CCSER1: variants seen among roughly 807,000 people sequenced by gnomAD.
CCSER1 encodes the protein coiled-coil serine rich protein 1.
In CCSER1, 41 loss-of-function variants were observed where a neutral mutation model predicts 82.0. The ratio of observed to expected loss-of-function variants is 0.50; its 90% CI spans 0.39 to 0.65. The LOEUF (loss-of-function observed/expected upper bound fraction) is 0.65, where lower values mean the gene tolerates loss of function less well. CCSER1 is among the 30% of genes least tolerant of loss of function. CCSER1 has a pLI of 0.00. For missense variants in CCSER1, 1,119 were observed against 1,064.2 expected, an observed-to-expected ratio of 1.05 and a Z score of -0.72; for synonymous variants, 414 against 383.9, an observed-to-expected ratio of 1.08 and a Z score of -0.92.
Position 90,284,237 on chromosome 4 carries a change from G to T in CCSER1, c.-41-24007G>T, listed in dbSNP as rs544899245. The stretch of plus-strand genomic sequence containing the variant: ...TCTGATTATTAGTCCCTTGTCATAT[G>T]GGTAGTTTGCAAATATATTCTCCCA... On this transcript the variant is annotated intron_variant, in intron 1 of 10. Transcript: ENST00000509176. Among the ~76,000 whole-genome samples, 48 of 152,116 alleles carry T rather than the reference G, an allele frequency of 3.2e-4. 1 individual carries two copies. The highest frequency in any genetic ancestry group is 1.1e-3 in the African/African-American group (46 of 41,532).
intron 9 of CCSER1, among the ~76,000 whole-genome samples, chr4:91,030,304 C>A (rs1036311802): frequency 2.0e-5 from 3 of 151,870 alleles, no homozygotes; most frequent in African/African-American, 7.3e-5. Flanking sequence ...TGAACACTGG[C>A]GATGATGGAA....
chr4:90,436,810 CTT>C (rs989339206), intron 4 of CCSER1, among the ~76,000 whole-genome samples: 8 of 140,432 alleles, frequency 5.7e-5, no homozygotes, highest in East Asian at 2.0e-4. Context: ...ATATTAGTTC[CTT>C]TTTTTTTTTT....
At chr4:90,270,136 A>G (rs1424153769) in intron 1 of CCSER1, among the ~76,000 whole-genome samples, 2 of 152,102 alleles carry the variant, frequency 1.3e-5, no homozygotes, top group African/African-American at 4.8e-5. Context: ...TCCAAATATT[A>G]TAGGAAGTGG....
At chr4:90,728,634 A>T (rs974180547) in intron 7 of CCSER1, among the ~76,000 whole-genome samples, 3 of 152,098 alleles carry the variant, frequency 2.0e-5, no homozygotes, top group Non-Finnish European at 4.4e-5. Context: ...CAGGAATTTG[A>T]GCCCAACCTT....
chr4:91,315,221 A>AAG (rs1480097544), intron 10 of CCSER1, among the ~76,000 whole-genome samples: 2 of 151,538 alleles, frequency 1.3e-5, no homozygotes, highest in African/African-American at 4.8e-5. Flanking sequence ...GAGGCAGACA[A>AAG]AGAGTAATCT....
intron 10 of CCSER1, among the ~76,000 whole-genome samples, chr4:91,266,376 C>T (rs1372242833): frequency 2.6e-5 from 4 of 151,988 alleles, no homozygotes; most frequent in Admixed American, 6.5e-5. Flanking sequence ...CCTCAGCCTC[C>T]GAGTAGCTGG....
chr4:90,162,845 G>T (rs907392619), intron 1 of CCSER1, among the ~76,000 whole-genome samples: 4 of 152,070 alleles, frequency 2.6e-5, no homozygotes, highest in Non-Finnish European at 5.9e-5. Flanking sequence ...ATATAAACAT[G>T]GTGGATTAGA....
At chr4:90,798,386 A>G (rs1195952486) in intron 7 of CCSER1, among the ~76,000 whole-genome samples, 1 of 151,678 alleles carries the variant, frequency 6.6e-6, no homozygotes, top group African/African-American at 2.4e-5. Flanking sequence ...ATTATTTATC[A>G]GGATTTTTAG....
chr4:90,812,882 C>T (rs1458185111), intron 7 of CCSER1, among the ~76,000 whole-genome samples: 1 of 152,136 alleles, frequency 6.6e-6, no homozygotes, highest in East Asian at 1.9e-4. Flanking sequence ...AAACCACCCC[C>T]ATGATCCAAT....
At chr4:91,388,798 T>A (rs894473175) in intron 10 of CCSER1, among the ~76,000 whole-genome samples, 2 of 152,092 alleles carry the variant, frequency 1.3e-5, no homozygotes, top group African/African-American at 4.8e-5. Flanking sequence ...AACTTTGTTT[T>A]TTTTCCCTTC....
intron 1 of CCSER1, among the ~76,000 whole-genome samples, chr4:90,229,368 C>A (rs1743950443): frequency 6.6e-6 from 1 of 151,988 alleles, no homozygotes. Flanking sequence ...TCCAGCCAAA[C>A]TAAGCTTTAT....
intron 8 of CCSER1, among the ~76,000 whole-genome samples, chr4:90,849,599 C>T (rs1008801578): frequency 5.3e-5 from 8 of 151,804 alleles, no homozygotes; most frequent in Admixed American, 2.6e-4. Flanking sequence ...ACCATCCTGG[C>T]TAACACGGTG....
At chr4:91,438,124 A>G (rs1437707926) in intron 10 of CCSER1, among the ~76,000 whole-genome samples, 1 of 152,166 alleles carries the variant, frequency 6.6e-6, no homozygotes, top group East Asian at 1.9e-4. Context: ...CTTTGAAGAG[A>G]GCAGTGGTTC....
chr4:90,885,760 T>A (rs1421730520), intron 8 of CCSER1, among the ~76,000 whole-genome samples: 1 of 152,188 alleles, frequency 6.6e-6, no homozygotes, highest in Non-Finnish European at 1.5e-5. Flanking sequence ...ATGCTGAATT[T>A]ATCAGATACA....
intron 9 of CCSER1, among the ~76,000 whole-genome samples, chr4:91,070,848 A>C (rs2148766615): frequency 6.6e-6 from 1 of 152,310 alleles, no homozygotes; most frequent in Non-Finnish European, 1.5e-5. Context: ...TTAAAAAATA[A>C]AGTCTTTGTC....
rs1404945436 is a variant in CCSER1 at position 91,603,767 on chromosome 4, G to T, written c.*4710G>T. Reference sequence around the variant, plus strand: ...CTGGGTGACTAAACAACAGTCACTTGTGTCTCAAGTTCTGGAGGCTAGGAA... The same window carrying T: ...CTGGGTGACTAAACAACAGTCACTTTTGTCTCAAGTTCTGGAGGCTAGGAA... On this transcript the variant is annotated 3_prime_UTR_variant, in exon 11 of 11. Transcript: ENST00000509176. 2 of 152,042 alleles carry T rather than the reference G, an allele frequency of 1.3e-5. No individual in the cohort carries two copies. Among genetic ancestry groups the T allele is most frequent in the Non-Finnish European group, 2.9e-5 (2 of 67,992 alleles). 9.4% of individuals were successfully genotyped at this position (152,042 alleles called of 1,614,324 possible).
In CCSER1 at chr4:90,628,140, G is replaced by C; in HGVS notation, c.1840G>C (p.Gly614Arg). The change falls in exon 6 of 11, where the codon GGA becomes CGA. Residue 614 changes from glycine (G) to arginine (R), a missense_variant. By Grantham distance (125) the Gly-to-Arg change is moderately radical. Coordinates refer to ENST00000509176, the MANE Select transcript of CCSER1 (RefSeq NM_001145065.2). ...DWPLQGVEENGGIDSLPFRLM... is the reference protein window; with the variant it reads ...DWPLQGVEENRGIDSLPFRLM... ...GCCTCTACAAGGTGTGGAAGAAAAC[G>C]GAGGCATAGATTCTCTGCCATTCAG... 6.2e-7 allele frequency: 1 copy of C among 1,613,706 alleles called. No individual in the cohort carries two copies. The highest frequency in any genetic ancestry group is 8.5e-7 in the Non-Finnish European group (1 of 1,179,710).
chr4:90,644,668 T>C (rs1035107953), intron 6 of CCSER1, among the ~76,000 whole-genome samples: 1 of 151,714 alleles, frequency 6.6e-6, no homozygotes, highest in African/African-American at 2.4e-5. Context: ...CCTCCCTCTG[T>C]CCATGTGTTC....
intron 10 of CCSER1, among the ~76,000 whole-genome samples, chr4:91,577,675 T>C (rs1254249466): frequency 2.6e-5 from 4 of 152,008 alleles, no homozygotes; most frequent in African/African-American, 9.7e-5. Context: ...TTGAGAATAT[T>C]TGAATATTGC....
Sources: gnomAD v4.1 joint callset for allele counts (sites outside exome capture counted in the v4.1 genomes callset) on GRCh38, gnomAD v4.1.1 for gene constraint, MANE v1.5 for transcripts, NCBI Gene and HGNC (gene_info 2026-07-23, HGNC 2026-07-21) for gene names.